HTR2C: variants seen among roughly 807,000 people sequenced by gnomAD.
The protein encoded by HTR2C is 5-hydroxytryptamine (serotonin) receptor 2C, G protein-coupled.
In HTR2C, 5 loss-of-function variants were observed where a neutral mutation model predicts 21.0. The observed-to-expected ratio is 0.24, with a 90% CI of 0.12 to 0.50. The LOEUF is 0.50. Ranked by LOEUF, HTR2C falls within the 20% of genes least tolerant of loss-of-function variation. The pLI is 0.98. For missense variants in HTR2C, 271 were observed against 371.2 expected (o/e 0.73, Z 2.22); for synonymous variants, 150 against 145.3 (o/e 1.03, Z -0.23).
At chrX:114,622,939 G>T (rs782630095) in intron 2 of HTR2C, among the ~76,000 whole-genome samples, 1 of 111,970 alleles carries the variant, frequency 8.9e-6, no homozygotes, top group Non-Finnish European at 1.9e-5. Flanking sequence ...GGCTAACCAT[G>T]AGAGGAAAGG....
intron 2 of HTR2C, among the ~76,000 whole-genome samples, chrX:114,633,947 T>TAGAGAG (rs59914358): frequency 5.5e-4 from 51 of 92,184 alleles, no homozygotes; most frequent in African/African-American, 1.8e-3. Flanking sequence ...TATATATATA[T>TAGAGAG]AGAGAGAGAG....
At chrX:114,880,892 G>T (rs782408094) in intron 5 of HTR2C, among the ~76,000 whole-genome samples, 1 of 111,049 alleles carries the variant, frequency 9.0e-6, no homozygotes, top group Non-Finnish European at 1.9e-5. Flanking sequence ...ACTAATCAAA[G>T]ATTTTGTTTA....
intron 4 of HTR2C, among the ~76,000 whole-genome samples, chrX:114,762,871 C>G (rs1482797803): frequency 8.9e-6 from 1 of 112,100 alleles, no homozygotes; most frequent in East Asian, 2.8e-4. Context: ...CATGTTGATA[C>G]TCCACATTCA....
In HTR2C at chrX:114,745,975, G is replaced by T. The variant is rs924614040; in HGVS notation, c.349+14368G>T. Among the ~76,000 whole-genome samples, 4 of 112,133 alleles carry T rather than the reference G, an allele frequency of 3.6e-5. No homozygotes were observed. The Admixed American group carries it at 3.8e-4, about 11-fold the overall frequency. On this transcript the variant is annotated intron_variant, in intron 4 of 5. Coordinates refer to ENST00000276198, the MANE Select transcript of HTR2C (RefSeq NM_000868.4). ...CTTAAAGAGTATAATTGGATTGTTT[G>T]TAAGTCAATGCATAAATGCTTGAGG...
At chrX:114,631,817 C>A (rs1929639327) in intron 2 of HTR2C, among the ~76,000 whole-genome samples, 1 of 110,953 alleles carries the variant, frequency 9.0e-6, no homozygotes, top group African/African-American at 3.3e-5. Flanking sequence ...TTTTGTCCAT[C>A]ATGACACCTT....
intron 5 of HTR2C, among the ~76,000 whole-genome samples, chrX:114,879,417 A>T (rs2071163519): frequency 9.1e-6 from 1 of 110,053 alleles, no homozygotes; most frequent in South Asian, 3.8e-4. Flanking sequence ...TTCTCTTATG[A>T]AAACTTTTTA....
intron 5 of HTR2C, among the ~76,000 whole-genome samples, chrX:114,855,030 T>C (rs932335083): frequency 2.7e-5 from 3 of 111,948 alleles, no homozygotes; most frequent in Non-Finnish European, 5.7e-5. Context: ...GCTTTAATCA[T>C]CTGACTTAAT....
chrX:114,741,563 C>A, intron 4 of HTR2C, among the ~76,000 whole-genome samples: 1 of 40,337 alleles, frequency 2.5e-5, no homozygotes, highest in African/African-American at 7.3e-5. Flanking sequence ...GAGATTGGAA[C>A]ACCTTTTCAG....
intron 4 of HTR2C, among the ~76,000 whole-genome samples, chrX:114,737,961 C>T (rs2069607449): frequency 8.9e-6 from 1 of 112,251 alleles, no homozygotes; most frequent in Non-Finnish European, 1.9e-5. Flanking sequence ...CAGGTAAAGA[C>T]AGTATGAAGA....
At chrX:114,644,354 AATAAATAAATATATATATATAT>A (rs1428064896) in intron 2 of HTR2C, among the ~76,000 whole-genome samples, 15 of 18,651 alleles carry the variant, frequency 8.0e-4, no homozygotes, top group African/African-American at 1.1e-3. Flanking sequence ...AAAATAAATA[AATAAATAAATATATATATATAT>A]ATATATATAT....
At chrX:114,806,168 T>A (rs1027645655) in intron 4 of HTR2C, among the ~76,000 whole-genome samples, 11 of 100,149 alleles carry the variant, frequency 1.1e-4, no homozygotes, top group African/African-American at 3.6e-4. Context: ...TATGTATACA[T>A]ATATACACCC....
chrX:114,741,222 C>T (rs2069641600), intron 4 of HTR2C, among the ~76,000 whole-genome samples: 1 of 109,583 alleles, frequency 9.1e-6, no homozygotes, highest in African/African-American at 3.3e-5. Flanking sequence ...AGAAAAATTA[C>T]AGCATGAGAT....
intron 2 of HTR2C, among the ~76,000 whole-genome samples, chrX:114,665,506 T>G (rs2147844740): frequency 8.9e-6 from 1 of 112,290 alleles, no homozygotes; most frequent in Non-Finnish European, 1.9e-5. Flanking sequence ...TCACAAAACC[T>G]TAACTACTAA....
chrX:114,608,602 A>G (rs1928579060), intron 1 of HTR2C, among the ~76,000 whole-genome samples: 1 of 111,823 alleles, frequency 8.9e-6, no homozygotes, highest in South Asian at 3.7e-4. Flanking sequence ...GTCTTGATTT[A>G]TTTGGCTAAG....
chrX:114,879,910 T>C lies in HTR2C; in HGVS notation c.551-26679T>C, dbSNP rs73573331. Among the ~76,000 whole-genome samples, 634 of 111,112 alleles carry C rather than the reference T, an allele frequency of 5.7e-3. 3 individuals carry two copies. Among genetic ancestry groups the C allele is most frequent in the African/African-American group, 0.02 (609 of 30,800 alleles). On this transcript the variant is annotated intron_variant, in intron 5 of 5. Transcript: ENST00000276198. The stretch of plus-strand genomic sequence containing the variant: ...TGCTACTATAAACAAGCAATATCTT[T>C]TCATTAGAGTAGTTAGTTAACTTAC...
intron 4 of HTR2C, among the ~76,000 whole-genome samples, chrX:114,807,175 C>T (rs782101360): frequency 0.09 from 844 of 9,409 alleles, 408 homozygotes; most frequent in Admixed American, 0.18. Flanking sequence ...CCCATATATA[C>T]ACCATGTATA....
intron 4 of HTR2C, chrX:114,776,407 G>A (rs879982223): frequency 4.0e-6 from 3 of 741,543 alleles, no homozygotes; most frequent in Middle Eastern, 3.0e-4. Context: ...TCTTTGTCAG[G>A]ACCATAGAGG....
chrX:114,679,728 G>C (rs1931686879), intron 2 of HTR2C, among the ~76,000 whole-genome samples: 1 of 111,319 alleles, frequency 9.0e-6, no homozygotes, highest in African/African-American at 3.3e-5. Flanking sequence ...ATACATAAGA[G>C]ATGTAAACAG....
chrX:114,715,868 G>GAA (rs1414719263), intron 2 of HTR2C, among the ~76,000 whole-genome samples: 1 of 112,366 alleles, frequency 8.9e-6, no homozygotes, highest in Non-Finnish European at 1.9e-5. Context: ...TCTCCAGCTA[G>GAA]AATGTAAGCT....
Sources: allele counts gnomAD v4.1 joint callset (sites outside exome capture counted in the v4.1 genomes callset), GRCh38; gene constraint gnomAD v4.1.1; transcripts MANE v1.5; gene names NCBI Gene and HGNC (gene_info 2026-07-23, HGNC 2026-07-21).